The following AKAP13 variants were observed in gnomAD, a reference collection of about 807,000 sequenced individuals.
AKAP13 encodes A-kinase anchoring protein 13.
Under a neutral mutation model 264.5 loss-of-function variants are expected in AKAP13, and 80 were observed. The observed-to-expected ratio is 0.30, with a 90% CI of 0.25 to 0.36. The LOEUF (loss-of-function observed/expected upper bound fraction) is 0.36. Ranked by LOEUF, AKAP13 falls within the 10% of genes least tolerant of loss-of-function variation. The probability of loss-of-function intolerance (pLI) is 1.00; values close to 1 mark genes in which losing one functional copy is unlikely to be tolerated. For synonymous variants in AKAP13, 1,380 were observed against 1,250.2 expected (o/e 1.10, Z -2.19); for missense variants, 3,712 against 3,435.2 (o/e 1.08, Z -2.01).
Position 85,521,414 on chromosome 15 carries a change from G to T in AKAP13, c.34-14G>T, listed in dbSNP as rs571530054. On this transcript the variant is annotated splice_polypyrimidine_tract_variant and intron_variant, in intron 2 of 36. Transcript: ENST00000394518. The stretch of plus-strand genomic sequence containing the variant: ...CTTACTAATGTAAACTTGCTATATT[G>T]TTTCCTTTCCTAGGGTGATTGTGTT... 6.2e-7 allele frequency: 1 copy of T among 1,613,232 alleles called. No homozygotes were observed. Among genetic ancestry groups the T allele is most frequent in the South Asian group, 1.1e-5 (1 of 90,912 alleles).
At chr15:85,587,703 A>G (rs1002401929) in intron 8 of AKAP13, among the ~76,000 whole-genome samples, 9 of 152,062 alleles carry the variant, frequency 5.9e-5, no homozygotes, top group African/African-American at 1.7e-4. Flanking sequence ...CTGGAGTACA[A>G]TGGCAGGATC....
intron 1 of AKAP13, among the ~76,000 whole-genome samples, chr15:85,446,515 TA>T (rs2073902985): frequency 6.6e-6 from 1 of 152,078 alleles, no homozygotes; most frequent in African/African-American, 2.4e-5. Context: ...GCAATTAGGT[TA>T]TGGAGCTTAG....
At chr15:85,554,028 T>C (rs2078055070) in intron 5 of AKAP13, among the ~76,000 whole-genome samples, 1 of 152,198 alleles carries the variant, frequency 6.6e-6, no homozygotes, top group African/African-American at 2.4e-5. Context: ...GACCGCTGGT[T>C]TAGATTATGT....
At chr15:85,734,922 A>G in intron 30 of AKAP13, 70 bp from the exon 31 acceptor site, 5 of 1,571,056 alleles carry the variant, frequency 3.2e-6, no homozygotes, top group Non-Finnish European at 4.3e-6. Context: ...TACGTATCAT[A>G]TATACTATGA....
intron 14 of AKAP13, among the ~76,000 whole-genome samples, chr15:85,678,851 A>G (rs968410806): frequency 6.6e-6 from 1 of 152,040 alleles, no homozygotes; most frequent in Non-Finnish European, 1.5e-5. Flanking sequence ...CCTGAGTGAC[A>G]GAGTGAGATC....
chr15:85,539,445 A>C (rs1321042296), intron 4 of AKAP13, among the ~76,000 whole-genome samples: 1 of 152,178 alleles, frequency 6.6e-6, no homozygotes, highest in African/African-American at 2.4e-5. Flanking sequence ...GAATAGTACA[A>C]AGAATGGTGA....
intron 1 of AKAP13, among the ~76,000 whole-genome samples, chr15:85,474,935 G>C (rs1284353251): frequency 6.6e-6 from 1 of 152,220 alleles, no homozygotes; most frequent in African/African-American, 2.4e-5. Flanking sequence ...TGTGTGAGAA[G>C]GTGGGCCGTG....
At chr15:85,477,815 CCT>C (rs1246668588) in intron 1 of AKAP13, among the ~76,000 whole-genome samples, 1 of 152,072 alleles carries the variant, frequency 6.6e-6, no homozygotes, top group African/African-American at 2.4e-5. Flanking sequence ...TCTCTCCCTG[CCT>C]CTGTTTCTAA....
chr15:85,532,242 TGG>T (rs1314931189), intron 3 of AKAP13, among the ~76,000 whole-genome samples: 3 of 152,162 alleles, frequency 2.0e-5, no homozygotes, highest in Non-Finnish European at 4.4e-5. Context: ...AGGAGGCCCT[TGG>T]GAAAAAAGCA....
At chr15:85,651,796 A>G (rs1219986395) in intron 10 of AKAP13, among the ~76,000 whole-genome samples, 4 of 152,156 alleles carry the variant, frequency 2.6e-5, no homozygotes, top group Admixed American at 6.5e-5. Context: ...ACCGCAGATT[A>G]GTTTTCTGTT....
intron 8 of AKAP13, among the ~76,000 whole-genome samples, chr15:85,632,718 C>T (rs573347532): frequency 6.6e-6 from 1 of 152,200 alleles, no homozygotes; most frequent in Non-Finnish European, 1.5e-5. Context: ...ATATGAAACT[C>T]ACTTTATGTA....
intron 1 of AKAP13, among the ~76,000 whole-genome samples, chr15:85,453,966 A>G (rs8027605): frequency 0.3 from 45,578 of 152,146 alleles, 9,903 homozygotes; most frequent in African/African-American, 0.6. Context: ...GTCAGCACAG[A>G]TTCTCCAAAG....
chr15:85,597,508 T>C (rs7176054), intron 8 of AKAP13, among the ~76,000 whole-genome samples: 94,258 of 152,072 alleles, frequency 0.62, 29,370 homozygotes, highest in Middle Eastern at 0.72. Context: ...CTTTAATCCT[T>C]ACTCCCCATA....
chr15:85,696,364 G>A (rs2085567180), intron 17 of AKAP13, among the ~76,000 whole-genome samples: 1 of 152,080 alleles, frequency 6.6e-6, no homozygotes, highest in African/African-American at 2.4e-5. Flanking sequence ...AGAATACCCC[G>A]CTCCCTTAAG....
chr15:85,428,076 C>G (rs570490154), intron 1 of AKAP13, among the ~76,000 whole-genome samples: 1 of 152,304 alleles, frequency 6.6e-6, no homozygotes, highest in East Asian at 1.9e-4. Flanking sequence ...AGTGTTCTTC[C>G]TGGCCACATG....
In AKAP13 at chr15:85,585,818, C is replaced by G. The variant is rs1394008055; in HGVS notation, c.4156C>G (p.Gln1386Glu). Residue 1386 changes from glutamine (Q) to glutamate (E), a missense_variant, in exon 8 of 37, where the codon CAG becomes GAG. Around this residue, in one of 3 missense-constraint regions of AKAP13, gnomAD observed 2,759 missense variants for 2,411.7 expected, o/e 1.14. Coordinates refer to ENST00000394518, the MANE Select transcript of AKAP13 (RefSeq NM_007200.5). Reference protein sequence around the residue: ...TLKMKQGPMTQAINRENWCTI... With the variant: ...TLKMKQGPMTEAINRENWCTI... The stretch of plus-strand genomic sequence containing the variant: ...GAAGATGAAGCAAGGCCCAATGACC[C>G]AGGCGGTAAGTGGCATCAGTAAGTC... 5.6e-6 allele frequency: 9 copies of G among 1,613,900 alleles called. No homozygotes were observed. The highest frequency in any genetic ancestry group is 4.0e-5 in the African/African-American group (3 of 74,910).
chr15:85,536,344 A>C (rs1198530549), intron 4 of AKAP13: 2 of 152,240 alleles, frequency 1.3e-5, no homozygotes, highest in East Asian at 3.8e-4. Context: ...GTGCTGGCAA[A>C]GATGAAGAAC....
chr15:85,477,900 G>A (rs1013520188), intron 1 of AKAP13, among the ~76,000 whole-genome samples: 2 of 152,094 alleles, frequency 1.3e-5, no homozygotes, highest in African/African-American at 4.8e-5. Flanking sequence ...TCCCCTGCGT[G>A]CACTTCCTAT....
intron 1 of AKAP13, among the ~76,000 whole-genome samples, chr15:85,402,484 TGG>T (rs2071471889): frequency 6.6e-6 from 1 of 152,162 alleles, no homozygotes; most frequent in Admixed American, 6.5e-5. Flanking sequence ...TATAATACAA[TGG>T]GGGATCGTGG....
Sources: allele counts gnomAD v4.1 joint callset (sites outside exome capture counted in the v4.1 genomes callset), GRCh38; gene constraint gnomAD v4.1.1; regional missense constraint gnomAD v4.1.1; transcripts MANE v1.5; gene names NCBI Gene and HGNC (gene_info 2026-07-23, HGNC 2026-07-21).